The following SIPA1L1 variants were observed in gnomAD, a reference collection of about 807,000 sequenced individuals.
SIPA1L1 encodes signal-induced proliferation-associated 1-like protein 1.
A neutral mutation model predicts 162.7 loss-of-function variants in SIPA1L1; 26 were observed. That is an observed-to-expected ratio of 0.16 (90% CI 0.12 to 0.22). The LOEUF is 0.22. Ranked by LOEUF, SIPA1L1 falls within the 10% of genes least tolerant of loss-of-function variation. SIPA1L1 has a pLI of 1.00. For synonymous variants in SIPA1L1, 829 were observed against 837.4 expected (o/e 0.99, Z 0.17); for missense variants, 1,874 against 2,241.0 (o/e 0.84, Z 3.31).
chr14:71,635,043 C>T (rs906622224), intron 7 of SIPA1L1, among the ~76,000 whole-genome samples: 9 of 151,916 alleles, frequency 5.9e-5, no homozygotes, highest in Non-Finnish European at 8.8e-5. Flanking sequence ...TTTGAGAGGC[C>T]GAGGCGGGTG....
At chr14:71,664,569 T>C (rs774908314) in intron 10 of SIPA1L1, among the ~76,000 whole-genome samples, 2 of 152,228 alleles carry the variant, frequency 1.3e-5, no homozygotes, top group African/African-American at 2.4e-5. Flanking sequence ...AATCTAGTTA[T>C]ACTCTTTTAG....
chr14:71,418,918 C>T (rs976175039), intron 2 of SIPA1L1, among the ~76,000 whole-genome samples: 5 of 152,106 alleles, frequency 3.3e-5, no homozygotes, highest in African/African-American at 1.2e-4. Flanking sequence ...TTTTAATAAG[C>T]AGGAGAATGT....
rs754104030 is a variant in SIPA1L1, at chr14:71,588,369, C to G, written c.497C>G (p.Ala166Gly). 5.6e-6 allele frequency: 9 copies of G among 1,613,976 alleles called. No individual in the cohort carries two copies. The highest frequency in any genetic ancestry group is 1.3e-5 in the African/African-American group (1 of 75,064). Residue 166 changes from alanine (A) to glycine (G), a missense_variant, in exon 5 of 24, where the codon GCT (alanine) becomes GGT (glycine). By Grantham distance (60) the Ala-to-Gly change is moderately conservative. This residue lies in a region of SIPA1L1 where 685 missense variants were observed against 828.0 expected (regional missense o/e 0.83). Transcript: ENST00000381232. This position sits in a 1 kb window ranked among gnomAD's most constrained non-coding sequence, Gnocchi z 4.3. ...GCCTACCCCAGCTCCCCCAGAAAAG[C>G]TCTTCGCAGAATACGCCAGCGAAGC... is the stretch of plus-strand genomic sequence containing the variant. The part of the protein sequence containing the change: ...PEAYPSSPRK[A>G]LRRIRQRSNS...
In SIPA1L1 at chr14:71,672,525, G is replaced by C; in HGVS notation, c.3007G>C (p.Ala1003Pro). Residue 1003 changes from alanine to proline, a missense_variant, in exon 12 of 24, where the codon GCC becomes CCC. Transcript: ENST00000381232. ...RLVEICKVAV[A>P]TLSHEQMIDL... ...GGTGGAGATCTGCAAGGTGGCGGTA[G>C]CCACTCTGAGCCATGAGCAGATGAT... The C allele has an allele frequency of 6.2e-7, 1 of 1,613,962 alleles. No individual in the cohort carries two copies. The highest frequency in any genetic ancestry group is 8.5e-7 in the Non-Finnish European group (1 of 1,179,950).
intron 2 of SIPA1L1, among the ~76,000 whole-genome samples, chr14:71,343,772 G>A (rs1247550884): frequency 1.3e-5 from 2 of 152,194 alleles, no homozygotes; most frequent in Non-Finnish European, 2.9e-5. Context: ...GCAGCATCTT[G>A]GGGAAGGGAT....
chr14:71,540,909 C>T (rs1442870597), intron 4 of SIPA1L1, among the ~76,000 whole-genome samples: 1 of 152,052 alleles, frequency 6.6e-6, no homozygotes, highest in Non-Finnish European at 1.5e-5. Flanking sequence ...GGCGGATTGC[C>T]TGAGGTCAGG....
Position 71,611,836 on chromosome 14 carries a change from C to T in SIPA1L1, c.1499-6921C>T, listed in dbSNP as rs191145356. Among the ~76,000 whole-genome samples the T allele has an allele frequency of 5.0e-3, 765 of 152,154 alleles. 2 individuals are homozygous for T. The highest frequency in any genetic ancestry group is 9.0e-3 in the Non-Finnish European group (610 of 68,004). On this transcript the variant is annotated intron_variant, in intron 5 of 23. Coordinates refer to ENST00000381232, the MANE Select transcript of SIPA1L1 (RefSeq NM_001386936.1). ...CATTTGGGTTGGTTCCAAGTCTTTG[C>T]TATTGTAAATACTGCTGCAATAAAC...
At chr14:71,325,862 C>A (rs984965394) in intron 2 of SIPA1L1, among the ~76,000 whole-genome samples, 1 of 152,020 alleles carries the variant, frequency 6.6e-6, no homozygotes, top group African/African-American at 2.4e-5. Context: ...GTTGAAATTG[C>A]GGGAAGCAGG....
At chr14:71,519,509 C>G (rs2052081764) in intron 3 of SIPA1L1, among the ~76,000 whole-genome samples, 1 of 151,782 alleles carries the variant, frequency 6.6e-6, no homozygotes, top group African/African-American at 2.4e-5. Context: ...GAAATGAGAC[C>G]AAAACATGTA....
At chr14:71,652,222 A>G (rs1422438702) in intron 8 of SIPA1L1, among the ~76,000 whole-genome samples, 2 of 152,186 alleles carry the variant, frequency 1.3e-5, no homozygotes, top group African/African-American at 2.4e-5. Flanking sequence ...TCTATTCACT[A>G]TGCCATTTAA....
chr14:71,539,237 T>G (rs1200078167), intron 4 of SIPA1L1, among the ~76,000 whole-genome samples: 1 of 152,182 alleles, frequency 6.6e-6, no homozygotes, highest in African/African-American at 2.4e-5. Context: ...AAACACTCTC[T>G]CATAAGCTGT....
intron 13 of SIPA1L1, among the ~76,000 whole-genome samples, chr14:71,694,090 A>T (rs1255393292): frequency 6.6e-6 from 1 of 152,224 alleles, no homozygotes; most frequent in African/African-American, 2.4e-5. Context: ...CCATAAGTTG[A>T]TAAGTTGTAA....
At chr14:71,488,052 A>T (rs2048916079) in intron 2 of SIPA1L1, among the ~76,000 whole-genome samples, 1 of 152,216 alleles carries the variant, frequency 6.6e-6, no homozygotes, top group Non-Finnish European at 1.5e-5. Context: ...CTCATGGTCG[A>T]TACTTTTTGA....
At chr14:71,543,863 TCATAC>T (rs996501756) in intron 4 of SIPA1L1, among the ~76,000 whole-genome samples, 6 of 144,312 alleles carry the variant, frequency 4.2e-5, no homozygotes, top group East Asian at 4.1e-4. Context: ...TATACATATA[TCATAC>T]GTATGTGTAT....
rs984328522 is a variant in SIPA1L1, at chr14:71,738,336, A to G, written c.5208+11A>G. 1 of 1,588,256 alleles carries G rather than the reference A, an allele frequency of 6.3e-7. No individual in the cohort carries two copies. On this transcript the variant is annotated intron_variant, in intron 23 of 23. Transcript: ENST00000381232. ...GAAGATTTGAAGAAGGTAAACATGT[A>G]TTCTCAAAGCAAATTGTCCAGTCTG...
chr14:71,724,836 G>A lies in SIPA1L1; in HGVS notation c.4614+1G>A. Reference sequence around the variant, plus strand: ...TCCTGAATCACAGAAGAGTTTTAAGGTACAAGACAGAGCTCAGGGTAGATG... The same window carrying A: ...TCCTGAATCACAGAAGAGTTTTAAGATACAAGACAGAGCTCAGGGTAGATG... On this transcript the variant is annotated splice_donor_variant, in intron 19 of 23. Transcript: ENST00000381232. LOFTEE classifies it high-confidence loss of function. 4 of 1,613,746 alleles carry A rather than the reference G, an allele frequency of 2.5e-6. No homozygotes were observed. The highest frequency in any genetic ancestry group is 3.4e-6 in the Non-Finnish European group (4 of 1,179,810).
At chr14:71,631,601 G>A (rs895876951) in intron 7 of SIPA1L1, among the ~76,000 whole-genome samples, 1 of 152,070 alleles carries the variant, frequency 6.6e-6, no homozygotes, top group Non-Finnish European at 1.5e-5. Context: ...ACATTATTAG[G>A]TAAAATTATT....
At chr14:71,360,985 A>G (rs566596066) in intron 2 of SIPA1L1, among the ~76,000 whole-genome samples, 11 of 152,262 alleles carry the variant, frequency 7.2e-5, no homozygotes, top group African/African-American at 2.4e-4. Context: ...CAGTTTTTGA[A>G]AAGAGAGATG....
At chr14:71,690,392 C>T (rs1280362795) in intron 13 of SIPA1L1, among the ~76,000 whole-genome samples, 1 of 152,080 alleles carries the variant, frequency 6.6e-6, no homozygotes, top group Non-Finnish European at 1.5e-5. Context: ...GTGCACGCCA[C>T]ACCACACCCA....
Sources: allele counts gnomAD v4.1 joint callset (sites outside exome capture counted in the v4.1 genomes callset), GRCh38; gene constraint gnomAD v4.1.1; regional missense constraint gnomAD v4.1.1; non-coding constraint Gnocchi (gnomAD v3.1); transcripts MANE v1.5; gene names NCBI Gene and HGNC (gene_info 2026-07-23, HGNC 2026-07-21).